Variants in KIAA1549 observed in about 807,000 individuals in gnomAD.
KIAA1549 encodes the protein KIAA1549, also known as UPF0606 protein KIAA1549.
Under a neutral mutation model 156.4 loss-of-function variants are expected in KIAA1549, and 70 were observed. The observed-to-expected ratio is 0.45, with a 90% confidence interval of 0.37 to 0.55. The LOEUF is 0.55. KIAA1549 is among the 20% of genes least tolerant of loss of function. KIAA1549 has a pLI of 0.00. For synonymous variants in KIAA1549, 1,103 were observed against 1,066.4 expected (o/e 1.03, Z -0.67); for missense variants, 2,428 against 2,540.9 (o/e 0.96, Z 0.96).
intron 12 of KIAA1549, among the ~76,000 whole-genome samples, chr7:138,874,242 G>C (rs1403151855): frequency 6.6e-6 from 1 of 151,734 alleles, no homozygotes; most frequent in Non-Finnish European, 1.5e-5. Flanking sequence ...GTAGGAACTT[G>C]GGATTAAAAC....
intron 1 of KIAA1549, among the ~76,000 whole-genome samples, chr7:138,940,628 A>C (rs1018224721): frequency 0.03 from 4,496 of 152,008 alleles, 216 homozygotes; most frequent in African/African-American, 0.1. Flanking sequence ...TACAGTCACA[A>C]CAACAGTGTA....
At chr7:138,916,480 G>C (rs1166513077) in intron 2 of KIAA1549, among the ~76,000 whole-genome samples, 2 of 152,200 alleles carry the variant, frequency 1.3e-5, no homozygotes, top group Non-Finnish European at 2.9e-5. Flanking sequence ...GCGTTCTGCA[G>C]GGACTAACGC....
chr7:138,919,285 G>C lies in KIAA1549; in HGVS notation c.341C>G (p.Ser114Cys). 1.2e-6 allele frequency: 2 copies of C among 1,614,050 alleles called. No individual in the cohort carries two copies. Among genetic ancestry groups the C allele is most frequent in the Non-Finnish European group, 1.7e-6 (2 of 1,179,908 alleles). ...SSPLHVTAPP[S>C]ATTFDTAFFN... is the part of the protein sequence containing the mutation. ...AAAGGCTGTATCAAAAGTAGTGGCAGACGGCGGGGCTGTGACATGGAGAGG... is the reference window on the plus strand; with the variant it reads ...AAAGGCTGTATCAAAAGTAGTGGCACACGGCGGGGCTGTGACATGGAGAGG... The change falls in exon 2 of 20, where the codon TCT becomes TGT. Residue 114 changes from serine to cysteine, a missense_variant. Transcript: ENST00000422774.
At chr7:138,843,863 C>T (rs1460114651) in intron 18 of KIAA1549, among the ~76,000 whole-genome samples, 1 of 152,150 alleles carries the variant, frequency 6.6e-6, no homozygotes, top group Non-Finnish European at 1.5e-5. Context: ...GAAAAAATAT[C>T]CACCAATTAT....
chr7:138,951,640 G>A (rs1813502771), intron 1 of KIAA1549, among the ~76,000 whole-genome samples: 2 of 152,218 alleles, frequency 1.3e-5, no homozygotes, highest in South Asian at 2.1e-4. Flanking sequence ...TTTAAAATGA[G>A]CACAGATTTT....
intron 17 of KIAA1549, among the ~76,000 whole-genome samples, chr7:138,849,160 G>A (rs1035578216): frequency 2.0e-5 from 3 of 152,068 alleles, no homozygotes; most frequent in Admixed American, 6.5e-5. Flanking sequence ...AAGCTTGTGC[G>A]AGTCTATCAA....
chr7:138,870,169 C>T lies in KIAA1549; in HGVS notation c.4552-408G>A, dbSNP rs576831041. 1.3e-3 allele frequency among the ~76,000 whole-genome samples: 197 copies of T among 152,088 alleles called. 1 individual carries two copies. Among genetic ancestry groups the T allele is most frequent in the Non-Finnish European group, 2.0e-3 (139 of 67,970 alleles). On this transcript the variant is annotated intron_variant, in intron 13 of 19. Coordinates refer to ENST00000422774, the MANE Select transcript of KIAA1549 (RefSeq NM_001164665.2). ...CCCAGCCAGCAAAGCCTTCTAGGAG[C>T]GCCTTCCTGCTATGCTCCTCTCCTC... is the stretch of plus-strand genomic sequence containing the variant.
intron 12 of KIAA1549, among the ~76,000 whole-genome samples, chr7:138,878,160 A>G (rs1226601713): frequency 2.0e-5 from 3 of 152,274 alleles, no homozygotes; most frequent in African/African-American, 7.2e-5. Flanking sequence ...ACATTACAAA[A>G]GAACCAAGTG....
chr7:138,853,684 A>G (rs535338433), intron 16 of KIAA1549, among the ~76,000 whole-genome samples: 7 of 152,150 alleles, frequency 4.6e-5, no homozygotes, highest in Non-Finnish European at 8.8e-5. Flanking sequence ...GTCATGTGGA[A>G]CCTTGTGGAG....
intron 13 of KIAA1549, among the ~76,000 whole-genome samples, chr7:138,870,888 G>T (rs1285192381): frequency 3.9e-5 from 6 of 152,132 alleles, no homozygotes; most frequent in Non-Finnish European, 7.4e-5. Context: ...CGAGATCCCG[G>T]CTCAGTGCAA....
At chr7:138,853,254 T>G (rs915344579) in intron 16 of KIAA1549, among the ~76,000 whole-genome samples, 17 of 152,232 alleles carry the variant, frequency 1.1e-4, no homozygotes, top group African/African-American at 4.1e-4. Flanking sequence ...TTTTACAAGC[T>G]GTCATTTACT....
chr7:138,869,601 T>C lies in KIAA1549; in HGVS notation c.4712A>G (p.Gln1571Arg). The stretch of plus-strand genomic sequence containing the variant: ...CGTGGGGTCCAGGATCTTGTCGATC[T>C]GCATCTGTGCCCTGCGGTACACCCG... Reference protein sequence around the residue: ...RHRVYRRAQMQIDKILDPTAS... With the variant: ...RHRVYRRAQMRIDKILDPTAS... Residue 1571 changes from glutamine to arginine, a missense_variant, in exon 14 of 20, where the codon CAG (glutamine) becomes CGG (arginine). Gln to Arg is a conservative substitution (Grantham distance 43). Around this residue, in one of 5 missense-constraint regions of KIAA1549, gnomAD observed 404 missense variants for 417.0 expected, o/e 0.97. Coordinates refer to ENST00000422774, the MANE Select transcript of KIAA1549 (RefSeq NM_001164665.2). 1 of 1,603,228 alleles carries C rather than the reference T, an allele frequency of 6.2e-7. No homozygotes were observed. The highest frequency in any genetic ancestry group is 1.1e-5 in the South Asian group (1 of 89,000).
intron 1 of KIAA1549, among the ~76,000 whole-genome samples, chr7:138,977,628 C>T (rs1414256829): frequency 6.7e-6 from 1 of 150,172 alleles, no homozygotes; most frequent in Non-Finnish European, 1.5e-5. Flanking sequence ...CACTCTAATA[C>T]CCCTTCCACA....
rs61555354 is a variant in KIAA1549 at position 138,943,665 on chromosome 7, T to C, written c.188-24227A>G. Among the ~76,000 whole-genome samples the C allele has an allele frequency of 5.1e-3, 772 of 152,126 alleles. 7 individuals carry two copies. Among genetic ancestry groups the C allele is most frequent in the African/African-American group, 0.016 (661 of 41,498 alleles). On this transcript the variant is annotated intron_variant, in intron 1 of 19. Coordinates refer to ENST00000422774, the MANE Select transcript of KIAA1549 (RefSeq NM_001164665.2). ...GAGATCGAGACCATCCTGGCTAACATGGTGAAACCCCGTCTCTACTAAAAA... is the reference window on the plus strand; with the variant it reads ...GAGATCGAGACCATCCTGGCTAACACGGTGAAACCCCGTCTCTACTAAAAA...
At chr7:138,878,449 T>C (rs1228619703) in intron 12 of KIAA1549, among the ~76,000 whole-genome samples, 2 of 152,184 alleles carry the variant, frequency 1.3e-5, no homozygotes, top group Non-Finnish European at 2.9e-5. Context: ...AAACTGTAAG[T>C]ATAAAAATTC....
At chr7:138,924,493 A>G (rs1202474007) in intron 1 of KIAA1549, among the ~76,000 whole-genome samples, 1 of 152,348 alleles carries the variant, frequency 6.6e-6, no homozygotes. Flanking sequence ...CTAATTTATG[A>G]ACCTGGGTAT....
In KIAA1549 at chr7:138,919,565, G is replaced by A. The variant is rs192930135; in HGVS notation, c.188-127C>T. The A allele has an allele frequency of 2.6e-3, 3,732 of 1,452,526 alleles. 6 individuals carry two copies. The highest frequency in any genetic ancestry group is 2.9e-3 in the Non-Finnish European group (3,149 of 1,090,494). 90.0% of individuals were successfully genotyped at this position (1,452,526 alleles called of 1,614,324 possible). The stretch of plus-strand genomic sequence containing the variant: ...TCACCATAAATATCCATGAATCACC[G>A]TCAGAAGTTAAACAGCTAGCTGGAA... On this transcript the variant is annotated intron_variant, in intron 1 of 19. Coordinates refer to ENST00000422774, the MANE Select transcript of KIAA1549 (RefSeq NM_001164665.2).
At position 138,921,864 on chromosome 7, in the gene KIAA1549, C is replaced by CA. The variant is rs545692668; in HGVS notation, c.188-2427dup. On this transcript the variant is annotated intron_variant, in intron 1 of 19. Coordinates refer to ENST00000422774, the MANE Select transcript of KIAA1549 (RefSeq NM_001164665.2). ...TGGGAGACAAAGTGAGACTCCGTCT[C>CA]AAAAAAAAATAAAAATAAAAAAAGG... 6.0e-3 allele frequency among the ~76,000 whole-genome samples: 891 copies of CA among 148,246 alleles called. 8 individuals carry two copies. Among genetic ancestry groups the CA allele is most frequent in the African/African-American group, 0.02 (808 of 40,212 alleles).
At chr7:138,950,178 C>T (rs1813453672) in intron 1 of KIAA1549, among the ~76,000 whole-genome samples, 1 of 152,162 alleles carries the variant, frequency 6.6e-6, no homozygotes, top group Admixed American at 6.5e-5. Flanking sequence ...TGTTGTTATA[C>T]AGCCATTCAG....
Sources: allele counts gnomAD v4.1 joint callset (sites outside exome capture counted in the v4.1 genomes callset), GRCh38; gene constraint gnomAD v4.1.1; regional missense constraint gnomAD v4.1.1; transcripts MANE v1.5; gene names NCBI Gene and HGNC (gene_info 2026-07-23, HGNC 2026-07-21).